Variants in SLC2A11 observed in about 807,000 individuals in gnomAD.
SLC2A11 encodes the protein solute carrier family 2, facilitated glucose transporter member 11.
SLC2A11 carries 43 observed loss-of-function variants against 52.1 expected under a neutral mutation model. The ratio of observed to expected loss-of-function variants is 0.82; its 90% CI spans 0.65 to 1.06. The LOEUF (loss-of-function observed/expected upper bound fraction) is 1.06. Ranked by LOEUF, SLC2A11 falls within the 50% of genes least tolerant of loss-of-function variation. The pLI is 0.00. For missense variants in SLC2A11, 582 were observed against 654.2 expected, an observed-to-expected ratio of 0.89 and a Z score of 1.20; for synonymous variants, 261 against 277.6, an observed-to-expected ratio of 0.94 and a Z score of 0.59.
At chr22:23,882,121 CAGAG>C (rs555465116) in intron 6 of SLC2A11, 10 of 291,192 alleles carry the variant, frequency 3.4e-5, no homozygotes, top group African/African-American at 2.5e-4. Flanking sequence ...GAAAGACAGG[CAGAG>C]AGAGAGAGAA....
intron 2 of SLC2A11, among the ~76,000 whole-genome samples, chr22:23,862,560 C>G (rs2032109516): frequency 1.3e-5 from 2 of 152,190 alleles, no homozygotes; most frequent in Non-Finnish European, 2.9e-5. Flanking sequence ...CCAGCCTCCT[C>G]ACTGGCCTCC....
chr22:23,874,745 C>A (rs189774446), intron 3 of SLC2A11, among the ~76,000 whole-genome samples: 196 of 152,264 alleles, frequency 1.3e-3, no homozygotes, highest in Non-Finnish European at 2.1e-3. Flanking sequence ...AGCCACCGCG[C>A]CCAGCCTAAT....
chr22:23,857,235 GAGAC>G, upstream of SLC2A11: 1 of 726,682 alleles, frequency 1.4e-6, no homozygotes, highest in Non-Finnish European at 2.3e-6. Context: ...AGACCAGCGA[GAGAC>G]AGAGACCCGC....
intron 3 of SLC2A11, chr22:23,870,318 G>C (rs1349064465): frequency 1.6e-5 from 7 of 441,750 alleles, no homozygotes; most frequent in East Asian, 8.6e-5. Flanking sequence ...GCAAATGTCT[G>C]TTCCCCTCCC....
intron 4 of SLC2A11, among the ~76,000 whole-genome samples, chr22:23,876,236 A>C (rs1398199900): frequency 6.6e-6 from 1 of 152,202 alleles, no homozygotes; most frequent in Non-Finnish European, 1.5e-5. Context: ...TACTAAGAGT[A>C]GCCCACGATC....
intron 3 of SLC2A11, chr22:23,868,911 A>G (rs1332613067): frequency 4.6e-6 from 2 of 431,252 alleles, no homozygotes; most frequent in Non-Finnish European, 8.3e-6. Context: ...TAAACAAGTT[A>G]TTTTCTTCCT....
chr22:23,880,272 A>G (rs541154689), intron 6 of SLC2A11: 7 of 150,954 alleles, frequency 4.6e-5, no homozygotes, highest in African/African-American at 1.2e-4. Context: ...AAAAAAAAAA[A>G]AAAAAAGAAA....
rs932883330 is a variant in SLC2A11 at position 23,857,886 on chromosome 22, C to G, written c.-114C>G. 15 of 1,556,698 alleles carry G rather than the reference C, an allele frequency of 9.6e-6. No individual in the cohort carries two copies. The highest frequency in any genetic ancestry group is 1.9e-5 in the Admixed American group (1 of 53,596). ...GCGTGCGCTAGCGCCTCTTTCACCA[C>G]TGGGCGCTGCGCGCTGCCCTTCCCT... On this transcript the variant is annotated 5_prime_UTR_variant, in exon 1 of 12. Transcript: ENST00000316185.
At chr22:23,863,588 C>T (rs947602467) in intron 2 of SLC2A11, among the ~76,000 whole-genome samples, 2 of 144,364 alleles carry the variant, frequency 1.4e-5, no homozygotes, top group South Asian at 4.5e-4. Flanking sequence ...TGTCCTGCCC[C>T]TGTTTTTTCT....
Position 23,868,473 on chromosome 22 carries a change from G to T in SLC2A11, c.130-8G>T. 1 of 1,614,040 alleles carries T rather than the reference G, an allele frequency of 6.2e-7. No individual in the cohort carries two copies. Among genetic ancestry groups the T allele is most frequent in the Non-Finnish European group, 8.5e-7 (1 of 1,179,914 alleles). On this transcript the variant is annotated splice_polypyrimidine_tract_variant and splice_region_variant and intron_variant, in intron 2 of 11. Coordinates refer to ENST00000316185, the MANE Select transcript of SLC2A11 (RefSeq NM_001024939.4). ...CCCCAGAAGGCTGACTGGCATTTCT[G>T]TCCACAGCACATTCAGGAATTCACC...
chr22:23,859,215 C>T (rs569183243), intron 1 of SLC2A11, among the ~76,000 whole-genome samples: 6 of 152,348 alleles, frequency 3.9e-5, no homozygotes, highest in African/African-American at 1.4e-4. Context: ...TCAATGGGAC[C>T]AGATGCCAGG....
At chr22:23,857,632 A>T, upstream of SLC2A11, 1 of 914,026 alleles carries the variant, frequency 1.1e-6, no homozygotes, top group South Asian at 1.4e-5. Context: ...ACTCCCCAGC[A>T]CCCCCAGCCC....
chr22:23,882,447 T>G lies in SLC2A11; in HGVS notation c.695-12T>G, dbSNP rs1266292755. ...GGGGACGGGGAGCTCAGTACCCTCC[T>G]CCCTGGCTCAGCACTACGGCGGCTC... is the stretch of plus-strand genomic sequence containing the variant. On this transcript the variant is annotated splice_polypyrimidine_tract_variant and intron_variant, in intron 6 of 11. Coordinates refer to ENST00000316185, the MANE Select transcript of SLC2A11 (RefSeq NM_001024939.4). 6.6e-7 allele frequency: 1 copy of G among 1,522,956 alleles called. No individual in the cohort carries two copies. The highest frequency in any genetic ancestry group is 2.5e-5 in the East Asian group (1 of 40,772). 94.3% of individuals were successfully genotyped at this position (1,522,956 alleles called of 1,614,324 possible).
At chr22:23,857,465 A>G, upstream of SLC2A11, 2 of 1,613,726 alleles carry the variant, frequency 1.2e-6, no homozygotes, top group South Asian at 1.1e-5. Flanking sequence ...GCGGCTTTTC[A>G]GCCTCAGTGC....
At chr22:23,873,196 A>G (rs924126792) in intron 3 of SLC2A11, 1 of 151,306 alleles carries the variant, frequency 6.6e-6, no homozygotes, top group Non-Finnish European at 1.5e-5. Context: ...TAAATTTTGT[A>G]TTTTTAGTAG....
intron 4 of SLC2A11, among the ~76,000 whole-genome samples, chr22:23,876,416 G>A (rs2064545812): frequency 6.6e-6 from 1 of 152,062 alleles, no homozygotes; most frequent in Non-Finnish European, 1.5e-5. Flanking sequence ...AGATAGAGGG[G>A]CAGGACCTTG....
At chr22:23,864,596 A>G (rs1170119582) in intron 2 of SLC2A11, among the ~76,000 whole-genome samples, 2 of 152,192 alleles carry the variant, frequency 1.3e-5, no homozygotes, top group African/African-American at 4.8e-5. Flanking sequence ...CTGGGATTAC[A>G]GGGGTGATGC....
At chr22:23,880,557 T>C (rs2236621) in intron 6 of SLC2A11, 53,185 of 151,920 alleles carry the variant, frequency 0.35, 9,708 homozygotes, top group South Asian at 0.47. Context: ...CCTTTTCTAG[T>C]TGTGAGGGTC....
At chr22:23,858,184 C>G in intron 1 of SLC2A11, 155 bp downstream of exon 1, 5 of 1,169,790 alleles carry the variant, frequency 4.3e-6, no homozygotes, top group Non-Finnish European at 6.3e-6. Context: ...AGGTGCTAGG[C>G]TCAGATGTGC....
Sources: allele counts gnomAD v4.1 joint callset (sites outside exome capture counted in the v4.1 genomes callset), GRCh38; gene constraint gnomAD v4.1.1; transcripts MANE v1.5; gene names NCBI Gene and HGNC (gene_info 2026-07-23, HGNC 2026-07-21).